The following DDR2 variants were observed in gnomAD, a reference collection of about 807,000 sequenced individuals.
The protein encoded by DDR2 is discoidin domain receptor tyrosine kinase 2.
DDR2 carries 27 observed loss-of-function variants against 94.9 expected under a neutral mutation model. That is an observed-to-expected ratio of 0.28 (90% CI 0.21 to 0.39). The LOEUF (loss-of-function observed/expected upper bound fraction) is 0.39, where lower values mean the gene tolerates loss of function less well. DDR2 is among the 10% of genes least tolerant of loss of function. The pLI is 1.00. For missense variants in DDR2, 783 were observed against 1,076.0 expected (o/e 0.73, Z 3.81); for synonymous variants, 382 against 377.2 (o/e 1.01, Z -0.15).
At chr1:162,654,300 G>A (rs1657848242) in intron 1 of DDR2, among the ~76,000 whole-genome samples, 1 of 151,914 alleles carries the variant, frequency 6.6e-6, no homozygotes, top group African/African-American at 2.4e-5. Context: ...ACAAAAATTA[G>A]CTGGGCATGG....
intron 10 of DDR2, 79 bp downstream of exon 10, chr1:162,766,142 C>T: frequency 6.6e-7 from 1 of 1,516,614 alleles, no homozygotes; most frequent in Non-Finnish European, 9.2e-7. Context: ...GTTGCAAAGC[C>T]CTGGCTGTGT....
intron 2 of DDR2, among the ~76,000 whole-genome samples, chr1:162,657,652 G>A (rs1439433835): frequency 6.6e-6 from 1 of 152,162 alleles, no homozygotes; most frequent in Admixed American, 6.5e-5. Flanking sequence ...GTAGCACTGA[G>A]TATTTCTAAC....
chr1:162,775,703 C>T lies in DDR2; in HGVS notation c.1908C>T (p.Asn636=), dbSNP rs1446009282. The T allele has an allele frequency of 6.2e-7, 1 of 1,614,178 alleles. No homozygotes were observed. Among genetic ancestry groups the T allele is most frequent in the Non-Finnish European group, 8.5e-7 (1 of 1,180,010 alleles). Residue 636 remains asparagine (N), a synonymous_variant, in exon 15 of 18, where the codon AAC becomes AAT. Transcript: ENST00000367921. ...TCATGTCTCGGCTCAAGGACCCAAA[C>T]ATCATCCATCTATTAGCTGTGTGTA... ...IKIMSRLKDP[N]IIHLLAVCIT... is the part of the protein sequence containing the mutation.
At chr1:162,689,712 A>C (rs2101973284) in intron 2 of DDR2, among the ~76,000 whole-genome samples, 1 of 151,908 alleles carries the variant, frequency 6.6e-6, no homozygotes, top group East Asian at 1.9e-4. Flanking sequence ...AACACAGAAG[A>C]CAGAATGCCA....
chr1:162,769,069 T>A (rs527346421), intron 11 of DDR2, among the ~76,000 whole-genome samples: 5 of 152,370 alleles, frequency 3.3e-5, no homozygotes, highest in African/African-American at 1.2e-4. Flanking sequence ...CTCTGCTATA[T>A]GAGCTCTTTT....
chr1:162,755,224 A>G lies in DDR2; in HGVS notation c.486A>G (p.Arg162=). Residue 162 remains arginine, a synonymous_variant, in exon 6 of 18, where the codon AGA becomes AGG. Transcript: ENST00000367921. ...ACTTGGAGCCGCCCATTGTAGCCAGATTTGTCCGGTTCATTCCAGTCACCG... is the reference window on the plus strand; with the variant it reads ...ACTTGGAGCCGCCCATTGTAGCCAGGTTTGTCCGGTTCATTCCAGTCACCG... ...LKDLEPPIVA[R]FVRFIPVTDH... 6.2e-7 allele frequency: 1 copy of G among 1,614,034 alleles called. No individual in the cohort carries two copies.
intron 3 of DDR2, among the ~76,000 whole-genome samples, chr1:162,747,149 G>A (rs1828373): frequency 0.83 from 126,033 of 152,188 alleles, 53,283 homozygotes; most frequent in Non-Finnish European, 0.92. Flanking sequence ...AATGGAACAA[G>A]GATGGACGGA....
rs1647995243 is a variant in DDR2, at chr1:162,783,129, A to C, written c.*2883A>C. On this transcript the variant is annotated 3_prime_UTR_variant, in exon 18 of 18. Coordinates refer to ENST00000367921, the MANE Select transcript of DDR2 (RefSeq NM_006182.4). ...AACTGTGGGGCCTTATTACCTTTGC[A>C]GTAAGTTATCTTCTTCATGATATAT... The C allele has an allele frequency of 6.6e-6, 1 of 152,228 alleles. No individual in the cohort carries two copies. Among genetic ancestry groups the C allele is most frequent in the South Asian group, 2.1e-4 (1 of 4,832 alleles). The allele number at this position is 152,228 out of a possible 1,614,324, so 9.4% of individuals were successfully genotyped here.
intron 1 of DDR2, among the ~76,000 whole-genome samples, chr1:162,645,216 C>T (rs949684336): frequency 6.6e-6 from 1 of 152,184 alleles, no homozygotes; most frequent in Admixed American, 6.5e-5. Flanking sequence ...CTGAACAAAC[C>T]TTTCCTCAGG....
intron 3 of DDR2, among the ~76,000 whole-genome samples, chr1:162,734,293 G>A (rs1571261590): frequency 6.6e-6 from 1 of 152,234 alleles, no homozygotes; most frequent in African/African-American, 2.4e-5. Flanking sequence ...CAAACTCCCA[G>A]GACTTTGTTT....
intron 1 of DDR2, among the ~76,000 whole-genome samples, chr1:162,651,008 C>T (rs1484817849): frequency 1.3e-5 from 2 of 152,136 alleles, no homozygotes; most frequent in African/African-American, 4.8e-5. Flanking sequence ...GGATTACAGG[C>T]ATGAACCACC....
chr1:162,772,937 T>C (rs539022802), intron 13 of DDR2, among the ~76,000 whole-genome samples: 5 of 148,732 alleles, frequency 3.4e-5, no homozygotes, highest in South Asian at 2.2e-4. Flanking sequence ...GTTCTCTCCT[T>C]AGATAGGTCT....
chr1:162,698,681 A>G (rs1402164373), intron 2 of DDR2, among the ~76,000 whole-genome samples: 2 of 152,062 alleles, frequency 1.3e-5, no homozygotes, highest in Non-Finnish European at 1.5e-5. Context: ...GGGCTGGGAG[A>G]AGGTTGCATC....
At chr1:162,709,710 G>T (rs978502212) in intron 2 of DDR2, among the ~76,000 whole-genome samples, 3 of 152,202 alleles carry the variant, frequency 2.0e-5, no homozygotes, top group Non-Finnish European at 4.4e-5. Context: ...AGAAGGTACG[G>T]TGGGAAAGAA....
intron 1 of DDR2, among the ~76,000 whole-genome samples, chr1:162,653,025 G>A (rs1201995212): frequency 6.6e-6 from 1 of 152,206 alleles, no homozygotes; most frequent in Non-Finnish European, 1.5e-5. Flanking sequence ...AGGATCACTT[G>A]AACCAAGAGG....
At chr1:162,688,679 C>T (rs376520570) in intron 2 of DDR2, among the ~76,000 whole-genome samples, 12 of 152,210 alleles carry the variant, frequency 7.9e-5, no homozygotes, top group African/African-American at 2.2e-4. Context: ...ACTGCCATGA[C>T]GCACGGAGGA....
At chr1:162,767,109 GC>G in intron 10 of DDR2, 119 bp from the exon 11 acceptor site, 1 of 1,409,980 alleles carries the variant, frequency 7.1e-7, no homozygotes, top group Non-Finnish European at 1.0e-6. Flanking sequence ...TATTAAGGTG[GC>G]ATCTTCCATA....
chr1:162,639,416 G>A (rs542274286), intron 1 of DDR2, among the ~76,000 whole-genome samples: 2 of 152,290 alleles, frequency 1.3e-5, no homozygotes, highest in African/African-American at 4.8e-5. Context: ...AATGGTGCTG[G>A]AACAATTGGA....
At chr1:162,764,182 C>T (rs1663883083) in intron 9 of DDR2, among the ~76,000 whole-genome samples, 1 of 152,068 alleles carries the variant, frequency 6.6e-6, no homozygotes, top group South Asian at 2.1e-4. Flanking sequence ...ATGTGATATA[C>T]AGTTAGGTTC....
Sources: gnomAD v4.1 joint callset for allele counts (sites outside exome capture counted in the v4.1 genomes callset) on GRCh38, gnomAD v4.1.1 for gene constraint, MANE v1.5 for transcripts, NCBI Gene and HGNC (gene_info 2026-07-23, HGNC 2026-07-21) for gene names.